Variants in CYB5R4 observed in about 807,000 individuals in gnomAD.
The protein encoded by CYB5R4 is cytochrome b5 reductase 4, also known as N-terminal cytochrome b5 and cytochrome b5 oxidoreductase domain-containing protein.
In CYB5R4, 55 loss-of-function variants were observed where a neutral mutation model predicts 70.2. The observed-to-expected ratio is 0.78, with a 90% CI of 0.63 to 0.98. CYB5R4 has a LOEUF of 0.98. Ranked by LOEUF, CYB5R4 falls within the 50% of genes least tolerant of loss-of-function variation. The pLI is 0.00. For missense variants in CYB5R4, 562 were observed against 612.6 expected, an observed-to-expected ratio of 0.92 and a Z score of 0.87; for synonymous variants, 197 against 199.5, an observed-to-expected ratio of 0.99 and a Z score of 0.11.
chr6:83,893,555 A>G lies in CYB5R4; in HGVS notation c.263A>G (p.Tyr88Cys), dbSNP rs752528199. 2 of 1,613,022 alleles carry G rather than the reference A, an allele frequency of 1.2e-6. No homozygotes were observed. Residue 88 changes from tyrosine (Y) to cysteine (C), a missense_variant, in exon 3 of 16, where the codon TAT becomes TGT. Tyr to Cys is a radical substitution (Grantham distance 194). Coordinates refer to ENST00000369681, the MANE Select transcript of CYB5R4 (RefSeq NM_016230.4). The stretch of plus-strand genomic sequence containing the variant: ...TATAATGTCAGCCCTTATATGGAGT[A>G]TCATCCTGGTGGAGAAGATGAACTA... ...FVYNVSPYME[Y>C]HPGGEDELMR...
intron 1 of CYB5R4, among the ~76,000 whole-genome samples, chr6:83,862,873 A>G (rs2099456176): frequency 2.0e-5 from 3 of 152,220 alleles, no homozygotes; most frequent in Admixed American, 2.0e-4. Flanking sequence ...TGATAGCCAG[A>G]ATGGAATGAT....
intron 4 of CYB5R4, among the ~76,000 whole-genome samples, chr6:83,911,508 AG>A (rs1341141098): frequency 6.6e-6 from 1 of 152,204 alleles, no homozygotes; most frequent in Non-Finnish European, 1.5e-5. Context: ...GGAATAAGAA[AG>A]GGGAATGAGG....
intron 3 of CYB5R4, among the ~76,000 whole-genome samples, chr6:83,897,401 G>A (rs2099462087): frequency 6.6e-6 from 1 of 152,118 alleles, no homozygotes; most frequent in Non-Finnish European, 1.5e-5. Flanking sequence ...ATAATCCTTT[G>A]GGTATATACC....
At chr6:83,911,363 A>G (rs1365209472) in intron 4 of CYB5R4, among the ~76,000 whole-genome samples, 3 of 152,204 alleles carry the variant, frequency 2.0e-5, no homozygotes, top group African/African-American at 7.2e-5. Flanking sequence ...TAAACACATT[A>G]TACAGAACCA....
chr6:83,941,262 C>T (rs991834152), intron 14 of CYB5R4, among the ~76,000 whole-genome samples: 1 of 152,130 alleles, frequency 6.6e-6, no homozygotes, highest in Non-Finnish European at 1.5e-5. Context: ...GCCCAGTAAA[C>T]TAAAATAAGA....
chr6:83,864,743 G>A (rs1207962121), intron 2 of CYB5R4, among the ~76,000 whole-genome samples: 2 of 152,126 alleles, frequency 1.3e-5, no homozygotes, highest in Non-Finnish European at 2.9e-5. Flanking sequence ...CTGCATTAAA[G>A]CCAAATCTTC....
intron 10 of CYB5R4, among the ~76,000 whole-genome samples, chr6:83,928,999 G>T (rs1252381296): frequency 6.6e-6 from 1 of 152,080 alleles, no homozygotes; most frequent in African/African-American, 2.4e-5. Flanking sequence ...AAAAAGAAAG[G>T]TTTAGCTTTC....
chr6:83,958,710 C>A (rs1221921695), intron 15 of CYB5R4, among the ~76,000 whole-genome samples: 1 of 152,160 alleles, frequency 6.6e-6, no homozygotes, highest in Admixed American at 6.5e-5. Flanking sequence ...TGTGTATGCC[C>A]TCTGGGAGCT....
Position 83,891,174 on chromosome 6 carries a change from T to G in CYB5R4, c.230-2348T>G, listed in dbSNP as rs763313715. Among the ~76,000 whole-genome samples, 252 of 152,238 alleles carry G rather than the reference T, an allele frequency of 1.7e-3. 1 individual carries two copies. Among genetic ancestry groups the G allele is most frequent in the Non-Finnish European group, 2.2e-3 (151 of 68,010 alleles). ...GTTGCCCAGACTGGTCTTGAACTCC[T>G]AGCATGAAGCAATCCTCCTGCCTCG... On this transcript the variant is annotated intron_variant, in intron 2 of 15. Transcript: ENST00000369681.
intron 10 of CYB5R4, among the ~76,000 whole-genome samples, chr6:83,933,635 A>T (rs1396166929): frequency 6.6e-6 from 1 of 152,192 alleles, no homozygotes; most frequent in African/African-American, 2.4e-5. Flanking sequence ...CGTTATTCTG[A>T]TATGCTGTTT....
intron 15 of CYB5R4, among the ~76,000 whole-genome samples, chr6:83,958,667 A>G (rs1158939761): frequency 2.0e-5 from 3 of 151,748 alleles, no homozygotes; most frequent in African/African-American, 4.8e-5. Flanking sequence ...GTTGGCTTCA[A>G]CTCCTGTGCC....
chr6:83,863,341 A>G (rs1436569536), intron 1 of CYB5R4, among the ~76,000 whole-genome samples: 1 of 152,124 alleles, frequency 6.6e-6, no homozygotes, highest in Non-Finnish European at 1.5e-5. Context: ...TACAGGCCAT[A>G]GTTTGCCACC....
intron 3 of CYB5R4, among the ~76,000 whole-genome samples, chr6:83,901,803 T>A (rs1256846596): frequency 6.6e-6 from 1 of 152,168 alleles, no homozygotes; most frequent in Non-Finnish European, 1.5e-5. Flanking sequence ...TTGAGCATTT[T>A]TTCATGTACT....
At chr6:83,908,270 GTCT>G (rs1456037120) in intron 3 of CYB5R4, among the ~76,000 whole-genome samples, 2 of 152,000 alleles carry the variant, frequency 1.3e-5, no homozygotes, top group East Asian at 1.9e-4. Flanking sequence ...CTGCATGTAT[GTCT>G]TCTTCTTTTT....
intron 2 of CYB5R4, among the ~76,000 whole-genome samples, chr6:83,887,607 A>T (rs1357511923): frequency 1.3e-5 from 2 of 152,192 alleles, no homozygotes; most frequent in African/African-American, 2.4e-5. Flanking sequence ...TAGGGCATTT[A>T]AAAATGATTT....
At chr6:83,938,125 G>A (rs1196571599) in intron 12 of CYB5R4, among the ~76,000 whole-genome samples, 1 of 152,116 alleles carries the variant, frequency 6.6e-6, no homozygotes, top group African/African-American at 2.4e-5. Flanking sequence ...CCTTGGTTAC[G>A]TAAACCAAAA....
chr6:83,937,189 C>T (rs981090115), intron 12 of CYB5R4, among the ~76,000 whole-genome samples: 2 of 151,944 alleles, frequency 1.3e-5, no homozygotes, highest in Non-Finnish European at 2.9e-5. Context: ...GCAGGAGAAT[C>T]GCTTAAACCC....
rs1163660787 is a variant in CYB5R4 at position 83,940,153 on chromosome 6, C to T, written c.1206C>T (p.Phe402=). Residue 402 remains phenylalanine, a synonymous_variant, in exon 13 of 16, where the codon TTC becomes TTT. Coordinates refer to ENST00000369681, the MANE Select transcript of CYB5R4 (RefSeq NM_016230.4). The stretch of plus-strand genomic sequence containing the variant: ...TTTTGTTGGCAGCTGGAACAGGCTT[C>T]ACACCAATGGTTAAAATACTGAATT... ...DLFLLAAGTG[F]TPMVKILNYA... 6.2e-7 allele frequency: 1 copy of T among 1,611,150 alleles called. No homozygotes were observed. The highest frequency in any genetic ancestry group is 2.2e-5 in the East Asian group (1 of 44,794).
At chr6:83,959,061 TCCCTTTGTTA>T (rs2099472895) in intron 15 of CYB5R4, among the ~76,000 whole-genome samples, 1 of 152,166 alleles carries the variant, frequency 6.6e-6, no homozygotes, top group African/African-American at 2.4e-5. Flanking sequence ...ACATTTATTC[TCCCTTTGTTA>T]TATGAGCCAT....
Sources: gnomAD v4.1 joint callset for allele counts (sites outside exome capture counted in the v4.1 genomes callset) on GRCh38, gnomAD v4.1.1 for gene constraint, MANE v1.5 for transcripts, NCBI Gene and HGNC (gene_info 2026-07-23, HGNC 2026-07-21) for gene names.